The following C11orf65 variants were observed in gnomAD, a reference collection of about 807,000 sequenced individuals.
C11orf65 encodes chromosome 11 open reading frame 65.
A neutral mutation model predicts 35.3 loss-of-function variants in C11orf65; 38 were observed. That is an observed-to-expected ratio of 1.08 (90% CI 0.83 to 1.41). The LOEUF (loss-of-function observed/expected upper bound fraction) is 1.41. Ranked by LOEUF, C11orf65 falls within the 40% of genes most tolerant of loss-of-function variation. C11orf65 has a pLI of 0.00. For missense variants in C11orf65, 370 were observed against 367.1 expected (o/e 1.01, Z -0.06); for synonymous variants, 105 against 114.4 (o/e 0.92, Z 0.53).
chr11:108,393,375 G>A lies in C11orf65; in HGVS notation c.564C>T (p.Tyr188=). ...ACTTAGCCTCCAGACTTCCTGAGTA[G>A]TACCTAAATAGGCAAAAGGGAAAGA... ...LRKIEWMRQM[Y]YSGSLEAKST... Residue 188 remains tyrosine (Y), a synonymous_variant, in exon 7 of 9, where the codon TAC becomes TAT. Transcript: ENST00000393084. The A allele has an allele frequency of 6.2e-7, 1 of 1,612,946 alleles. No homozygotes were observed. Among genetic ancestry groups the A allele is most frequent in the Non-Finnish European group, 8.5e-7 (1 of 1,179,186 alleles).
At chr11:108,449,956 T>G (rs1366506819) in intron 2 of C11orf65, among the ~76,000 whole-genome samples, 1 of 150,932 alleles carries the variant, frequency 6.6e-6, no homozygotes, top group African/African-American at 2.4e-5. Context: ...AAAAAACCCA[T>G]CAAAAAGTGG....
At chr11:108,458,261 C>T (rs1177317263) in intron 2 of C11orf65, among the ~76,000 whole-genome samples, 4 of 149,592 alleles carry the variant, frequency 2.7e-5, no homozygotes, top group Non-Finnish European at 1.5e-5. Context: ...ATCCCACCTA[C>T]TCGGGAGGCT....
At chr11:108,328,919 T>A, downstream of C11orf65, 3 of 1,224,118 alleles carry the variant, frequency 2.5e-6, no homozygotes, top group Non-Finnish European at 3.5e-6. Context: ...AGCTTTTATA[T>A]GTATATAAGT....
At chr11:108,382,284 T>C (rs1450842751), downstream of C11orf65, among the ~76,000 whole-genome samples, 2 of 152,196 alleles carry the variant, frequency 1.3e-5, no homozygotes, top group Admixed American at 6.5e-5. Flanking sequence ...TTCACTGCTC[T>C]AACCTGGAAG....
At chr11:108,435,001 G>A (rs923570084) in intron 2 of C11orf65, among the ~76,000 whole-genome samples, 1 of 152,182 alleles carries the variant, frequency 6.6e-6, no homozygotes, top group South Asian at 2.1e-4. Flanking sequence ...AGAATTCAGT[G>A]ATAACACTTT....
chr11:108,331,339 C>CT (rs1378657408), downstream of C11orf65: 24 of 1,479,868 alleles, frequency 1.6e-5, no homozygotes, highest in Non-Finnish European at 1.9e-5. Context: ...TTGTTAACCA[C>CT]TTGTGCTAAT....
chr11:108,327,477 T>A, downstream of C11orf65: 2 of 590,182 alleles, frequency 3.4e-6, no homozygotes, highest in East Asian at 6.0e-5. Context: ...ATTTCCTACA[T>A]GGGATTATTA....
At chr11:108,460,035 G>A (rs1488105028) in intron 2 of C11orf65, among the ~76,000 whole-genome samples, 1 of 152,148 alleles carries the variant, frequency 6.6e-6, no homozygotes, top group Non-Finnish European at 1.5e-5. Flanking sequence ...TTGGGAAGCT[G>A]AGGTTGGAGG....
chr11:108,318,363 A>C (rs1460409347), intron 6 of C11orf65, among the ~76,000 whole-genome samples: 1 of 151,218 alleles, frequency 6.6e-6, no homozygotes, highest in African/African-American at 2.5e-5. Flanking sequence ...CTCTGTCTCT[A>C]AAAAAATAAA....
intron 2 of C11orf65, among the ~76,000 whole-genome samples, chr11:108,453,765 C>T (rs1415023538): frequency 6.6e-6 from 1 of 152,146 alleles, no homozygotes. Flanking sequence ...ATAAATCTCA[C>T]TTGATCATTA....
intron 3 of C11orf65, among the ~76,000 whole-genome samples, chr11:108,421,653 A>G (rs1418681684): frequency 6.6e-6 from 1 of 152,106 alleles, no homozygotes; most frequent in Non-Finnish European, 1.5e-5. Flanking sequence ...GCAAGACTCC[A>G]TCTCAAAAAC....
At chr11:108,369,810 G>A (rs1043444037) in intron 2 of C11orf65, among the ~76,000 whole-genome samples, 60 of 152,182 alleles carry the variant, frequency 3.9e-4, no homozygotes, top group African/African-American at 1.3e-3. Context: ...TATTTTGATG[G>A]GAACAAAATG....
intron 3 of C11orf65, among the ~76,000 whole-genome samples, chr11:108,417,435 T>C (rs2092751565): frequency 1.3e-5 from 2 of 151,774 alleles, no homozygotes; most frequent in South Asian, 4.2e-4. Context: ...TTCCAACTAC[T>C]GGGGAGGCTG....
intron 2 of C11orf65, among the ~76,000 whole-genome samples, chr11:108,358,952 C>T (rs947165293): frequency 6.6e-5 from 10 of 152,064 alleles, no homozygotes; most frequent in African/African-American, 2.4e-4. Flanking sequence ...ACAAAATTAA[C>T]TTTAAATGTA....
At chr11:108,443,745 G>A (rs1488286735) in intron 2 of C11orf65, among the ~76,000 whole-genome samples, 2 of 152,116 alleles carry the variant, frequency 1.3e-5, no homozygotes, top group Non-Finnish European at 2.9e-5. Context: ...AATGAAGGCA[G>A]AAATAAAGAT....
rs200899512 is a variant in C11orf65 at position 108,365,126 on chromosome 11, G to C, written c.226+28082C>G. 6.2e-6 allele frequency: 10 copies of C among 1,614,020 alleles called. No homozygotes were observed. Among genetic ancestry groups the C allele is most frequent in the Non-Finnish European group, 8.5e-6 (10 of 1,180,016 alleles). On this transcript the variant is annotated intron_variant, in intron 2 of 3. Transcript: ENST00000524755. The stretch of plus-strand genomic sequence containing the variant: ...TCTTTGACTGGACCATGAATCCTTT[G>C]AAAGCTTTGTATTTACAGCAGAGGC...
chr11:108,426,977 T>G (rs1341928626), intron 3 of C11orf65, among the ~76,000 whole-genome samples: 1 of 152,162 alleles, frequency 6.6e-6, no homozygotes, highest in Non-Finnish European at 1.5e-5. Context: ...GAAAAATGGC[T>G]AGCCATATGC....
chr11:108,433,748 G>T (rs879935772), intron 2 of C11orf65, among the ~76,000 whole-genome samples: 3 of 151,862 alleles, frequency 2.0e-5, no homozygotes, highest in African/African-American at 7.2e-5. Context: ...GCCCCTAAGG[G>T]GGTCAAGTAA....
chr11:108,341,511 A>G (rs1424406061), intron 2 of C11orf65, among the ~76,000 whole-genome samples: 2 of 152,144 alleles, frequency 1.3e-5, no homozygotes, highest in Non-Finnish European at 2.9e-5. Context: ...TGTGTGTAAC[A>G]TGTAATACGC....
Sources: gnomAD v4.1 joint callset for allele counts (sites outside exome capture counted in the v4.1 genomes callset) on GRCh38, gnomAD v4.1.1 for gene constraint, MANE v1.5 for transcripts, NCBI Gene and HGNC (gene_info 2026-07-23, HGNC 2026-07-21) for gene names.